The following IGSF11 variants were observed in gnomAD, a reference collection of about 807,000 sequenced individuals.
IGSF11 encodes immunoglobulin superfamily member 11.
A neutral mutation model predicts 41.0 loss-of-function variants in IGSF11; 22 were observed. That is an observed-to-expected ratio of 0.54 (90% CI 0.38 to 0.77). The LOEUF is 0.77. IGSF11 is among the 30% of genes least tolerant of loss of function. IGSF11 has a pLI of 0.00. For missense variants in IGSF11, 444 were observed against 530.8 expected, an observed-to-expected ratio of 0.84 and a Z score of 1.61; for synonymous variants, 219 against 201.3, an observed-to-expected ratio of 1.09 and a Z score of -0.74.
At chr3:119,143,910 C>T (rs2077683523) in intron 1 of IGSF11, among the ~76,000 whole-genome samples, 2 of 151,712 alleles carry the variant, frequency 1.3e-5, no homozygotes, top group South Asian at 2.1e-4. Context: ...AACAAGAAGA[C>T]TTTATTTCTT....
intron 1 of IGSF11, among the ~76,000 whole-genome samples, chr3:119,048,861 G>A (rs539595221): frequency 6.6e-6 from 1 of 152,122 alleles, no homozygotes; most frequent in Admixed American, 6.5e-5. Context: ...ATCAGTAAAT[G>A]TAATCCAGCA....
At chr3:118,903,579 G>C (rs1444260524) in intron 6 of IGSF11, among the ~76,000 whole-genome samples, 1 of 152,124 alleles carries the variant, frequency 6.6e-6, no homozygotes, top group Non-Finnish European at 1.5e-5. Context: ...GTTTTCCTCA[G>C]TAATCTTATC....
chr3:119,025,830 T>G (rs1939768877), intron 1 of IGSF11, among the ~76,000 whole-genome samples: 1 of 152,004 alleles, frequency 6.6e-6, no homozygotes, highest in Admixed American at 6.5e-5. Context: ...ACAAAGATGA[T>G]CACTAAAACA....
intron 1 of IGSF11, among the ~76,000 whole-genome samples, chr3:119,032,853 G>A (rs549279189): frequency 2.6e-5 from 4 of 152,260 alleles, no homozygotes; most frequent in East Asian, 1.9e-4. Flanking sequence ...ACTCACACGC[G>A]TCTTTGTATT....
intron 1 of IGSF11, among the ~76,000 whole-genome samples, chr3:119,043,937 C>T (rs1433507050): frequency 1.3e-5 from 2 of 152,140 alleles, no homozygotes; most frequent in African/African-American, 2.4e-5. Context: ...GATCTTTCCA[C>T]TGAAACAGTC....
At chr3:119,110,682 G>A (rs1400734192) in intron 1 of IGSF11, among the ~76,000 whole-genome samples, 2 of 152,164 alleles carry the variant, frequency 1.3e-5, no homozygotes, top group Non-Finnish European at 2.9e-5. Flanking sequence ...TTTCTTCCTA[G>A]TCTTGATGGT....
At chr3:119,030,723 A>G (rs1357648042) in intron 1 of IGSF11, among the ~76,000 whole-genome samples, 1 of 152,180 alleles carries the variant, frequency 6.6e-6, no homozygotes, top group Non-Finnish European at 1.5e-5. Flanking sequence ...TCAAGAGAAG[A>G]TTTCAGATCC....
Position 118,902,842 on chromosome 3 carries a change from T to A in IGSF11, c.974A>T (p.Asn325Ile). The change falls in exon 7 of 7, where the codon AAT (asparagine) becomes ATT (isoleucine). Residue 325 changes from asparagine to isoleucine, a missense_variant. By Grantham distance (149) the Asn-to-Ile change is moderately radical. This residue lies in a region of IGSF11 where 223 missense variants were observed against 226.2 expected (regional missense o/e 0.99). Coordinates refer to ENST00000393775, the MANE Select transcript of IGSF11 (RefSeq NM_001015887.3). Reference protein sequence around the residue: ...NAYNSRYWSNNPKVHRNTESV... With the variant: ...NAYNSRYWSNIPKVHRNTESV... ...CTCTGTGTTTCTATGAACTTTTGGA[T>A]TGTTGCTCCAGTATCGACTGTTGTA... 6.2e-7 allele frequency: 1 copy of A among 1,614,154 alleles called. No individual in the cohort carries two copies. The highest frequency in any genetic ancestry group is 1.7e-5 in the Admixed American group (1 of 60,010).
intron 1 of IGSF11, among the ~76,000 whole-genome samples, chr3:119,043,109 G>C (rs1941185266): frequency 6.6e-6 from 1 of 152,168 alleles, no homozygotes; most frequent in Non-Finnish European, 1.5e-5. Flanking sequence ...GCTTGATTTG[G>C]ATGAACCCGG....
At chr3:119,132,731 T>G (rs946516986) in intron 1 of IGSF11, among the ~76,000 whole-genome samples, 2 of 152,182 alleles carry the variant, frequency 1.3e-5, no homozygotes, top group African/African-American at 4.8e-5. Flanking sequence ...AATAGACATC[T>G]ACAGAACTCT....
chr3:119,006,691 C>T (rs1937520326), intron 1 of IGSF11, among the ~76,000 whole-genome samples: 3 of 144,740 alleles, frequency 2.1e-5, no homozygotes, highest in African/African-American at 7.8e-5. Flanking sequence ...CAGACAGGAC[C>T]CTCAGCTGCA....
chr3:119,083,529 C>A (rs866954327), intron 1 of IGSF11, among the ~76,000 whole-genome samples: 805 of 56,164 alleles, frequency 0.014, 7 homozygotes, highest in African/African-American at 0.034. Flanking sequence ...CACACACACA[C>A]ACACACAAAC....
At chr3:119,122,390 CA>C (rs909535488) in intron 1 of IGSF11, among the ~76,000 whole-genome samples, 14 of 152,250 alleles carry the variant, frequency 9.2e-5, no homozygotes, top group Non-Finnish European at 7.4e-5. Context: ...TTGCCCATCC[CA>C]AAAAAACTTA....
At chr3:118,908,228 A>C (rs200500376) in intron 4 of IGSF11, among the ~76,000 whole-genome samples, 2 of 152,226 alleles carry the variant, frequency 1.3e-5, no homozygotes, top group African/African-American at 4.8e-5. Flanking sequence ...TTGCTTTGAA[A>C]AGTTATTTTT....
At chr3:119,103,245 C>T (rs575295242) in intron 1 of IGSF11, among the ~76,000 whole-genome samples, 1 of 152,320 alleles carries the variant, frequency 6.6e-6, no homozygotes, top group Non-Finnish European at 1.5e-5. Flanking sequence ...GATCCGCCCA[C>T]CTCGGCCTCC....
At chr3:118,934,816 T>C (rs1443887980) in intron 1 of IGSF11, among the ~76,000 whole-genome samples, 6 of 152,196 alleles carry the variant, frequency 3.9e-5, no homozygotes, top group Admixed American at 3.9e-4. Flanking sequence ...ACCCAATCCA[T>C]GATCAAATCT....
intron 1 of IGSF11, among the ~76,000 whole-genome samples, chr3:119,040,677 C>T (rs1941085940): frequency 6.6e-6 from 1 of 152,194 alleles, no homozygotes; most frequent in Admixed American, 6.5e-5. Context: ...AGGACAGGAA[C>T]TCTATTTTAT....
At chr3:118,905,027 T>G (rs1939403874) in intron 5 of IGSF11, among the ~76,000 whole-genome samples, 1 of 152,214 alleles carries the variant, frequency 6.6e-6, no homozygotes, top group Non-Finnish European at 1.5e-5. Flanking sequence ...GAATAAACAA[T>G]TAAATGACTT....
upstream of IGSF11, among the ~76,000 whole-genome samples, chr3:119,109,896 G>T (rs569010064): frequency 4.9e-4 from 74 of 152,178 alleles, no homozygotes; most frequent in African/African-American, 1.8e-3. Flanking sequence ...GTAGTTGAGC[G>T]GTTTTGAGTG....
Sources: gnomAD v4.1 joint callset for allele counts (sites outside exome capture counted in the v4.1 genomes callset) on GRCh38, gnomAD v4.1.1 for gene constraint, gnomAD v4.1.1 regional missense constraint, MANE v1.5 for transcripts, NCBI Gene and HGNC (gene_info 2026-07-23, HGNC 2026-07-21) for gene names.